The following INPP5F variants were observed in gnomAD, a reference collection of about 807,000 sequenced individuals.
The protein encoded by INPP5F is inositol polyphosphate-5-phosphatase F.
Under a neutral mutation model 137.2 loss-of-function variants are expected in INPP5F, and 97 were observed. The ratio of observed to expected loss-of-function variants is 0.71; its 90% confidence interval spans 0.60 to 0.84. The LOEUF (loss-of-function observed/expected upper bound fraction) is 0.84, where lower values mean the gene tolerates loss of function less well. Among genes scored for constraint, INPP5F ranks in the 40% least tolerant of loss-of-function variants. INPP5F has a pLI of 0.00. For synonymous variants in INPP5F, 504 were observed against 476.9 expected (o/e 1.06, Z -0.74); for missense variants, 1,271 against 1,371.9 (o/e 0.93, Z 1.16).
At chr10:119,766,086 T>A (rs1241685053) in intron 2 of INPP5F, among the ~76,000 whole-genome samples, 2 of 151,918 alleles carry the variant, frequency 1.3e-5, no homozygotes, top group Admixed American at 6.6e-5. Flanking sequence ...GTGATGTAAG[T>A]CTCAGTTGGA....
At chr10:119,786,753 A>C (rs966268425) in intron 3 of INPP5F, among the ~76,000 whole-genome samples, 1 of 151,950 alleles carries the variant, frequency 6.6e-6, no homozygotes, top group South Asian at 2.1e-4. Context: ...ACCTGGGCTT[A>C]AGCAATCTGC....
At position 119,766,217 on chromosome 10, in the gene INPP5F, T is replaced by G. The variant is rs187120421; in HGVS notation, c.178+15061T>G. On this transcript the variant is annotated intron_variant, in intron 2 of 19. Transcript: ENST00000650623. ...TGTTCTATTCTGGCCCTCAGTGGAT[T>G]GGATGATGCCCACCTGTATTGGTGA... is the stretch of plus-strand genomic sequence containing the variant. 7.4e-3 allele frequency among the ~76,000 whole-genome samples: 1,133 copies of G among 152,274 alleles called. 5 individuals are homozygous for G. The highest frequency in any genetic ancestry group is 0.012 in the Non-Finnish European group (845 of 68,008).
Position 119,827,044 on chromosome 10 carries a change from T to C in INPP5F, c.2663T>C (p.Val888Ala), listed in dbSNP as rs775974017. 4 of 1,614,024 alleles carry C rather than the reference T, an allele frequency of 2.5e-6. No homozygotes were observed. Among genetic ancestry groups the C allele is most frequent in the Non-Finnish European group, 3.4e-6 (4 of 1,179,984 alleles). ...GAGAGTGTAGGGCCAATAGATTACG[T>C]TCTTCCTAGTTGTGGTATTATTGCC... ...SLESVGPIDY[V>A]LPSCGIIASA... is the part of the protein sequence containing the mutation. The change falls in exon 20 of 20, where the codon GTT (valine) becomes GCT (alanine). Residue 888 changes from valine to alanine, a missense_variant. Val to Ala is a moderately conservative substitution (Grantham distance 64). Coordinates refer to ENST00000650623, the MANE Select transcript of INPP5F (RefSeq NM_014937.4).
chr10:119,737,090 A>T (rs890520917), intron 1 of INPP5F, among the ~76,000 whole-genome samples: 1 of 152,078 alleles, frequency 6.6e-6, no homozygotes, highest in South Asian at 2.1e-4. Context: ...GGGCCCCCCA[A>T]AGTGCTGGGA....
chr10:119,753,812 T>C (rs950243102), intron 2 of INPP5F, among the ~76,000 whole-genome samples: 5 of 152,224 alleles, frequency 3.3e-5, no homozygotes, highest in African/African-American at 1.2e-4. Context: ...GGCTCTTTGG[T>C]TGCAAATACA....
chr10:119,799,705 C>T (rs1350978278), intron 9 of INPP5F, among the ~76,000 whole-genome samples: 1 of 151,940 alleles, frequency 6.6e-6, no homozygotes, highest in African/African-American at 2.4e-5. Flanking sequence ...ACTGCTTAGC[C>T]CAGTAATTTT....
chr10:119,796,439 C>T (rs57086257), intron 6 of INPP5F, among the ~76,000 whole-genome samples: 33 of 152,250 alleles, frequency 2.2e-4, no homozygotes, highest in African/African-American at 7.2e-4. Context: ...AGGACAGCGA[C>T]GGCAAGGGTG....
intron 1 of INPP5F, among the ~76,000 whole-genome samples, chr10:119,731,764 C>A (rs1483266382): frequency 1.3e-5 from 2 of 152,136 alleles, no homozygotes; most frequent in African/African-American, 4.8e-5. Context: ...TCTTTCTGAT[C>A]ATTTTTGTTG....
rs140136354 is a variant in INPP5F at position 119,791,541 on chromosome 10, A to T, written c.340A>T (p.Ile114Phe). ...LELCKKHHFGINKPEKIIPSP... is the reference protein window; with the variant it reads ...LELCKKHHFGFNKPEKIIPSP... ...GCTCTGTAAGAAGCATCATTTTGGTATTAACAAACCAGAGAAGATCATACC... is the reference window on the plus strand; with the variant it reads ...GCTCTGTAAGAAGCATCATTTTGGTTTTAACAAACCAGAGAAGATCATACC... The change falls in exon 4 of 20, where the codon ATT (isoleucine) becomes TTT (phenylalanine). Residue 114 changes from isoleucine to phenylalanine, a missense_variant. Coordinates refer to ENST00000650623, the MANE Select transcript of INPP5F (RefSeq NM_014937.4). 7 of 1,602,470 alleles carry T rather than the reference A, an allele frequency of 4.4e-6. No individual in the cohort carries two copies. Among genetic ancestry groups the T allele is most frequent in the Non-Finnish European group, 4.3e-6 (5 of 1,171,022 alleles).
intron 15 of INPP5F, among the ~76,000 whole-genome samples, chr10:119,820,572 T>C (rs993400785): frequency 2.0e-5 from 3 of 152,196 alleles, no homozygotes; most frequent in Non-Finnish European, 2.9e-5. Context: ...CCACCTCAAA[T>C]TATCCCATTT....
chr10:119,730,820 G>C (rs993760520), intron 1 of INPP5F, among the ~76,000 whole-genome samples: 1 of 150,122 alleles, frequency 6.7e-6, no homozygotes, highest in South Asian at 2.1e-4. Flanking sequence ...ATTGAGTCTC[G>C]CTCTGTTGCC....
chr10:119,792,788 C>A (rs545433792), intron 6 of INPP5F, among the ~76,000 whole-genome samples: 23 of 152,258 alleles, frequency 1.5e-4, no homozygotes, highest in Admixed American at 8.5e-4. Flanking sequence ...AAAGACAATT[C>A]ATTCAATCAA....
intron 2 of INPP5F, among the ~76,000 whole-genome samples, chr10:119,768,725 G>T (rs749211861): frequency 6.6e-6 from 1 of 152,168 alleles, no homozygotes; most frequent in Non-Finnish European, 1.5e-5. Flanking sequence ...GGAATGTAGT[G>T]TGCAGTATTA....
chr10:119,819,550 A>G, intron 15 of INPP5F: 22 of 1,591,114 alleles, frequency 1.4e-5, no homozygotes, highest in East Asian at 6.8e-5. Context: ...GTAAGTATCA[A>G]CGCGTAAAAC....
chr10:119,762,008 C>T (rs1297229869), intron 2 of INPP5F, among the ~76,000 whole-genome samples: 3 of 152,166 alleles, frequency 2.0e-5, no homozygotes, highest in Non-Finnish European at 2.9e-5. Context: ...GCTCAAGTCT[C>T]GAAGTTGGCC....
chr10:119,778,959 C>T lies in INPP5F; in HGVS notation c.179-2676C>T, dbSNP rs151158267. 1.6e-3 allele frequency among the ~76,000 whole-genome samples: 248 copies of T among 152,210 alleles called. 1 individual carries two copies. Among genetic ancestry groups the T allele is most frequent in the Admixed American group, 3.8e-3 (58 of 15,298 alleles). On this transcript the variant is annotated intron_variant, in intron 2 of 19. Coordinates refer to ENST00000650623, the MANE Select transcript of INPP5F (RefSeq NM_014937.4). ...TTCTACTCAGAGACCAGTCATTTGC[C>T]AGGGCATACTCAGAGAATTGTCATT...
At chr10:119,792,767 A>T (rs1850193725) in intron 6 of INPP5F, among the ~76,000 whole-genome samples, 1 of 152,178 alleles carries the variant, frequency 6.6e-6, no homozygotes, top group Non-Finnish European at 1.5e-5. Context: ...ATGTTGGAAA[A>T]TTGACTGTCT....
chr10:119,750,292 A>G (rs1041828088), intron 1 of INPP5F, among the ~76,000 whole-genome samples: 4 of 152,212 alleles, frequency 2.6e-5, no homozygotes, highest in Non-Finnish European at 5.9e-5. Flanking sequence ...TTCATTCTTG[A>G]TAATCTTCAC....
chr10:119,801,787 A>G (rs183383162), intron 9 of INPP5F, among the ~76,000 whole-genome samples: 1 of 152,302 alleles, frequency 6.6e-6, no homozygotes, highest in African/African-American at 2.4e-5. Context: ...ACAATAATGA[A>G]TAAACCACAT....
Sources: allele counts gnomAD v4.1 joint callset (sites outside exome capture counted in the v4.1 genomes callset), GRCh38; gene constraint gnomAD v4.1.1; transcripts MANE v1.5; gene names NCBI Gene and HGNC (gene_info 2026-07-23, HGNC 2026-07-21).